The following VPS13B variants were observed in gnomAD, a reference collection of about 807,000 sequenced individuals.
VPS13B encodes intermembrane lipid transfer protein VPS13B.
VPS13B carries 285 observed loss-of-function variants against 426.4 expected under a neutral mutation model. That is an observed-to-expected ratio of 0.67 (90% CI 0.61 to 0.74). The LOEUF is 0.74. Among genes scored for constraint, VPS13B ranks in the 30% least tolerant of loss-of-function variants. The pLI is 0.00. For synonymous variants in VPS13B, 1,676 were observed against 1,676.4 expected (o/e 1.00, Z 0.01); for missense variants, 4,537 against 4,782.6 (o/e 0.95, Z 1.51).
chr8:99,039,751 G>C (rs1241981201), intron 3 of VPS13B, among the ~76,000 whole-genome samples: 1 of 152,028 alleles, frequency 6.6e-6, no homozygotes, highest in Non-Finnish European at 1.5e-5. Flanking sequence ...TGGATGCTTT[G>C]AGTGCCATAT....
chr8:99,138,471 C>T (rs1810205491), intron 12 of VPS13B, among the ~76,000 whole-genome samples: 1 of 152,160 alleles, frequency 6.6e-6, no homozygotes, highest in South Asian at 2.1e-4. Flanking sequence ...TCATTGTAGT[C>T]CTATAGTTTC....
At chr8:99,375,473 G>A (rs1035097039) in intron 19 of VPS13B, among the ~76,000 whole-genome samples, 5 of 151,982 alleles carry the variant, frequency 3.3e-5, no homozygotes, top group Non-Finnish European at 7.4e-5. Flanking sequence ...GCTACCATAC[G>A]CACATACCAT....
chr8:99,630,343 C>A (rs1391774373), intron 33 of VPS13B, among the ~76,000 whole-genome samples: 2 of 151,990 alleles, frequency 1.3e-5, no homozygotes, highest in Admixed American at 6.6e-5. Context: ...CTTTTTTCAT[C>A]TTTTGTGTCT....
At chr8:99,606,510 A>AG (rs909816589) in intron 33 of VPS13B, among the ~76,000 whole-genome samples, 8 of 151,184 alleles carry the variant, frequency 5.3e-5, no homozygotes, top group African/African-American at 1.9e-4. Flanking sequence ...AAAAAAAAAA[A>AG]AAAAGAAAAA....
In VPS13B at chr8:99,036,700, C is replaced by T. The variant is rs149584348; in HGVS notation, c.148-1723C>T. On this transcript the variant is annotated intron_variant, in intron 2 of 61. Coordinates refer to ENST00000357162, the MANE Select transcript of VPS13B (RefSeq NM_152564.5). The stretch of plus-strand genomic sequence containing the variant: ...TCTTTAAACATTTGTACTCTGAGAA[C>T]TCTGAGACAATCTGATTTATGCCCT... 3.3e-3 allele frequency among the ~76,000 whole-genome samples: 502 copies of T among 152,236 alleles called. 2 individuals carry two copies. The highest frequency in any genetic ancestry group is 0.012 in the African/African-American group (480 of 41,540).
chr8:99,689,653 T>C, intron 35 of VPS13B, among the ~76,000 whole-genome samples: 1 of 152,140 alleles, frequency 6.6e-6, no homozygotes, highest in Non-Finnish European at 1.5e-5. Context: ...TCCAATCTAT[T>C]GAAAAAAGAG....
intron 30 of VPS13B, among the ~76,000 whole-genome samples, chr8:99,529,435 C>T (rs1286231370): frequency 6.6e-6 from 1 of 152,086 alleles, no homozygotes; most frequent in Non-Finnish European, 1.5e-5. Flanking sequence ...TAAAAAACTT[C>T]ATGTAAACAC....
chr8:99,716,557 C>T (rs1832930719), intron 36 of VPS13B, among the ~76,000 whole-genome samples: 1 of 152,142 alleles, frequency 6.6e-6, no homozygotes, highest in African/African-American at 2.4e-5. Context: ...AAAGTGTATT[C>T]CTTTTCTGGG....
intron 33 of VPS13B, among the ~76,000 whole-genome samples, chr8:99,606,522 GAAAA>G (rs1214414625): frequency 7.0e-6 from 1 of 142,490 alleles, no homozygotes; most frequent in Non-Finnish European, 1.5e-5. Context: ...AAAGAAAAAA[GAAAA>G]AGAAAAAGAA....
intron 35 of VPS13B, among the ~76,000 whole-genome samples, chr8:99,665,169 G>C (rs956827279): frequency 7.2e-5 from 11 of 151,988 alleles, no homozygotes; most frequent in Non-Finnish European, 1.2e-4. Context: ...GGGGTTGTTT[G>C]TTTTTTTCTT....
chr8:99,623,430 C>T (rs1028123042), intron 33 of VPS13B, among the ~76,000 whole-genome samples: 2 of 152,122 alleles, frequency 1.3e-5, no homozygotes, highest in African/African-American at 4.8e-5. Flanking sequence ...ATTTCCCTAC[C>T]TCCTCGTAAT....
rs11991938 is a variant in VPS13B, at chr8:99,810,930, G to A, written c.8097+1400G>A. 3.9e-3 allele frequency among the ~76,000 whole-genome samples: 593 copies of A among 152,204 alleles called. 5 individuals are homozygous for A. Among genetic ancestry groups the A allele is most frequent in the African/African-American group, 0.012 (517 of 41,514 alleles). On this transcript the variant is annotated intron_variant, in intron 44 of 61. Transcript: ENST00000357162. The stretch of plus-strand genomic sequence containing the variant: ...TTACTGAAGGATTCCTGCAGGGACC[G>A]GCCTACTAGTGTGAGCATTGAGCCA...
chr8:99,015,363 C>T lies in VPS13B; in HGVS notation c.147+1428C>T, dbSNP rs527636798. Reference sequence around the variant, plus strand: ...TCCTGAGTAGTTGGGATTACAGGCGCCCGCCACCACGCCTGGCTAATTTTT... The same window carrying T: ...TCCTGAGTAGTTGGGATTACAGGCGTCCGCCACCACGCCTGGCTAATTTTT... On this transcript the variant is annotated intron_variant, in intron 2 of 61. Coordinates refer to ENST00000357162, the MANE Select transcript of VPS13B (RefSeq NM_152564.5). Among the ~76,000 whole-genome samples the T allele has an allele frequency of 2.6e-5, 4 of 151,412 alleles. No homozygotes were observed. The East Asian group carries it at 7.9e-4, about 30-fold the overall frequency.
rs150605297 is a variant in VPS13B at position 99,361,331 on chromosome 8, A to G, written c.2825-22877A>G. Among the ~76,000 whole-genome samples the G allele has an allele frequency of 1.9e-4, 29 of 152,340 alleles. 1 individual carries two copies. The highest frequency in any genetic ancestry group is 6.7e-4 in the African/African-American group (28 of 41,580). Reference sequence around the variant, plus strand: ...CAAATCAGGAGTTAGCAAATTTTTAATAAAAGACCAGATAATTTTTTAGGC... The same window carrying G: ...CAAATCAGGAGTTAGCAAATTTTTAGTAAAAGACCAGATAATTTTTTAGGC... On this transcript the variant is annotated intron_variant, in intron 19 of 61. Transcript: ENST00000357162.
chr8:99,464,711 C>G (rs1443429077), intron 23 of VPS13B, among the ~76,000 whole-genome samples: 1 of 152,136 alleles, frequency 6.6e-6, no homozygotes, highest in Admixed American at 6.6e-5. Context: ...GACCTCCTCC[C>G]TGCTCCACCC....
chr8:99,205,844 A>G (rs538053469), intron 17 of VPS13B, among the ~76,000 whole-genome samples: 2 of 152,332 alleles, frequency 1.3e-5, no homozygotes, highest in East Asian at 3.9e-4. Flanking sequence ...ATTTTCTGCT[A>G]CCATTATGTC....
At chr8:99,189,396 TTATC>T (rs1014613366) in intron 16 of VPS13B, among the ~76,000 whole-genome samples, 1 of 152,220 alleles carries the variant, frequency 6.6e-6, no homozygotes, top group Non-Finnish European at 1.5e-5. Context: ...GCACATTCCT[TTATC>T]TATTTGAATG....
chr8:99,500,005 G>T (rs1821139980), intron 25 of VPS13B, among the ~76,000 whole-genome samples: 1 of 152,134 alleles, frequency 6.6e-6, no homozygotes, highest in African/African-American at 2.4e-5. Flanking sequence ...TGTAGGAGCT[G>T]AATATACCTG....
intron 33 of VPS13B, among the ~76,000 whole-genome samples, chr8:99,640,925 T>A (rs1210814428): frequency 6.6e-6 from 1 of 152,148 alleles, no homozygotes; most frequent in Non-Finnish European, 1.5e-5. Context: ...CTTATGGATT[T>A]TTTATGGTTA....
Sources: gnomAD v4.1 joint callset for allele counts (sites outside exome capture counted in the v4.1 genomes callset) on GRCh38, gnomAD v4.1.1 for gene constraint, MANE v1.5 for transcripts, NCBI Gene and HGNC (gene_info 2026-07-23, HGNC 2026-07-21) for gene names.